The following CNTLN variants were observed in gnomAD, a reference collection of about 807,000 sequenced individuals.
CNTLN encodes centlein.
CNTLN carries 212 observed loss-of-function variants against 180.0 expected under a neutral mutation model. That is an observed-to-expected ratio of 1.18 (90% confidence interval 1.05 to 1.32). The LOEUF (loss-of-function observed/expected upper bound fraction) is 1.32. Ranked by LOEUF, CNTLN falls within the 40% of genes most tolerant of loss-of-function variation. The probability of loss-of-function intolerance (pLI) is 0.00; values close to 1 mark genes in which losing one functional copy is unlikely to be tolerated. For missense variants in CNTLN, 2,095 were observed against 1,610.9 expected, an observed-to-expected ratio of 1.30 and a Z score of -5.14; for synonymous variants, 722 against 563.1, an observed-to-expected ratio of 1.28 and a Z score of -3.99.
chr9:17,189,110 C>T (rs755519892), intron 2 of CNTLN, among the ~76,000 whole-genome samples: 9 of 106,702 alleles, frequency 8.4e-5, no homozygotes, highest in Non-Finnish European at 1.5e-4. Flanking sequence ...TGAGATGGAG[C>T]ATCCCTCTGT....
At chr9:17,183,978 G>T (rs1216333993) in intron 2 of CNTLN, among the ~76,000 whole-genome samples, 2 of 152,100 alleles carry the variant, frequency 1.3e-5, no homozygotes, top group African/African-American at 2.4e-5. Flanking sequence ...TGTAAAGTAA[G>T]TAATTTCTGG....
intron 11 of CNTLN, 99 bp downstream of exon 11, chr9:17,341,047 A>G (rs1359051553): frequency 9.2e-7 from 1 of 1,086,760 alleles, no homozygotes; most frequent in African/African-American, 1.6e-5. Flanking sequence ...TTTTAAAGAA[A>G]TTATTTGGTA....
intron 2 of CNTLN, among the ~76,000 whole-genome samples, chr9:17,223,825 A>G (rs1203888344): frequency 6.6e-6 from 1 of 152,014 alleles, no homozygotes; most frequent in African/African-American, 2.4e-5. Flanking sequence ...AAGGCCACAT[A>G]TTATTTTATC....
At chr9:17,446,269 G>A (rs1008940014) in intron 18 of CNTLN, among the ~76,000 whole-genome samples, 1 of 152,090 alleles carries the variant, frequency 6.6e-6, no homozygotes, top group Non-Finnish European at 1.5e-5. Context: ...TCTTTCCTAA[G>A]TCTCTCGTTC....
At chr9:17,282,336 T>G (rs1387127674) in intron 6 of CNTLN, among the ~76,000 whole-genome samples, 1 of 152,158 alleles carries the variant, frequency 6.6e-6, no homozygotes, top group African/African-American at 2.4e-5. Flanking sequence ...TCTCTAATGA[T>G]CAGTGATGTT....
At chr9:17,522,060 C>A in the CNTLN span, among the ~76,000 whole-genome samples, 2 of 152,262 alleles carry the variant, frequency 1.3e-5, no homozygotes, top group South Asian at 4.1e-4. Context: ...ACCCCCACCC[C>A]ACCTGTATGC....
chr9:17,165,554 A>T (rs1314037634), intron 2 of CNTLN, among the ~76,000 whole-genome samples: 3 of 152,148 alleles, frequency 2.0e-5, no homozygotes, highest in Non-Finnish European at 4.4e-5. Context: ...AGGCTACAAA[A>T]TGGGAAAATT....
At chr9:17,434,129 G>A (rs2133998477) in intron 18 of CNTLN, among the ~76,000 whole-genome samples, 1 of 152,134 alleles carries the variant, frequency 6.6e-6, no homozygotes. Context: ...GAGGATTTGT[G>A]TCTTCTTTTT....
At chr9:17,506,079 TAAAA>T (rs3084575), downstream of CNTLN, among the ~76,000 whole-genome samples, 10 of 149,580 alleles carry the variant, frequency 6.7e-5, no homozygotes, top group East Asian at 2.0e-4. Flanking sequence ...CATCTTGGGT[TAAAA>T]AAAAAAAAAA....
intron 5 of CNTLN, among the ~76,000 whole-genome samples, chr9:17,258,491 G>T (rs1826688494): frequency 6.6e-6 from 1 of 151,358 alleles, no homozygotes; most frequent in Admixed American, 6.6e-5. Context: ...GAACTTTAAA[G>T]TAGTTTTTTC....
At chr9:17,245,358 A>G (rs535871038) in intron 5 of CNTLN, among the ~76,000 whole-genome samples, 1 of 149,952 alleles carries the variant, frequency 6.7e-6, no homozygotes, top group East Asian at 2.0e-4. Flanking sequence ...TAAATATGTC[A>G]TGACACTCTC....
chr9:17,233,639 G>A (rs1208493718), intron 3 of CNTLN, among the ~76,000 whole-genome samples: 10 of 152,158 alleles, frequency 6.6e-5, no homozygotes, highest in Middle Eastern at 3.4e-3. Context: ...CCTCAAATGG[G>A]AAACAGCTGA....
At chr9:17,276,117 C>T (rs1828295705) in intron 6 of CNTLN, among the ~76,000 whole-genome samples, 1 of 151,962 alleles carries the variant, frequency 6.6e-6, no homozygotes, top group Admixed American at 6.6e-5. Context: ...ACACATATAC[C>T]CCCTGTATCT....
At chr9:17,408,598 G>A (rs1827592995) in intron 15 of CNTLN, among the ~76,000 whole-genome samples, 1 of 151,882 alleles carries the variant, frequency 6.6e-6, no homozygotes, top group Non-Finnish European at 1.5e-5. Context: ...TCAGGAGATC[G>A]AGACCATCCT....
Position 17,332,660 on chromosome 9 carries a change from C to T in CNTLN, c.1574C>T (p.Ser525Leu). ...TCCCCAAAGAGCTCTTTCACAGACT[C>T]AGAAGAGCTACAGAAGCTGAGAAAA... ...SLSPKSSFTD[S>L]EELQKLRKAE... The change falls in exon 10 of 26, where the codon TCA becomes TTA. Residue 525 changes from serine to leucine, a missense_variant. Coordinates refer to ENST00000380647, the MANE Select transcript of CNTLN (RefSeq NM_017738.4). The T allele has an allele frequency of 6.2e-7, 1 of 1,608,466 alleles. No homozygotes were observed. Among genetic ancestry groups the T allele is most frequent in the Non-Finnish European group, 8.5e-7 (1 of 1,177,590 alleles).
intron 2 of CNTLN, among the ~76,000 whole-genome samples, chr9:17,149,019 C>T (rs2131488626): frequency 6.6e-6 from 1 of 152,166 alleles, no homozygotes; most frequent in Admixed American, 6.5e-5. Context: ...TCCCTGTGTC[C>T]ATGTGTTCTC....
intron 8 of CNTLN, among the ~76,000 whole-genome samples, chr9:17,316,102 T>A (rs1265326963): frequency 1.3e-5 from 2 of 151,988 alleles, no homozygotes; most frequent in African/African-American, 2.4e-5. Flanking sequence ...TTTTGCTTCA[T>A]GTATTTTGGG....
chr9:17,360,330 A>C (rs960335417), intron 12 of CNTLN, among the ~76,000 whole-genome samples: 3 of 152,134 alleles, frequency 2.0e-5, no homozygotes, highest in Admixed American at 2.0e-4. Context: ...ATTGGACTCA[A>C]CTCCTAATAC....
the CNTLN span, among the ~76,000 whole-genome samples, chr9:17,523,121 T>C: frequency 6.6e-6 from 1 of 152,202 alleles, no homozygotes; most frequent in Non-Finnish European, 1.5e-5. Context: ...AGCACCTTTA[T>C]GACCAATGTT....
Sources: allele counts gnomAD v4.1 joint callset (sites outside exome capture counted in the v4.1 genomes callset), GRCh38; gene constraint gnomAD v4.1.1; transcripts MANE v1.5; gene names NCBI Gene and HGNC (gene_info 2026-07-23, HGNC 2026-07-21).